The following MROH9 variants were observed in gnomAD, a reference collection of about 807,000 sequenced individuals.
The protein encoded by MROH9 is maestro heat-like repeat-containing protein family member 9.
A neutral mutation model predicts 98.2 loss-of-function variants in MROH9; 92 were observed. That is an observed-to-expected ratio of 0.94 (90% CI 0.79 to 1.11). The LOEUF (loss-of-function observed/expected upper bound fraction) is 1.11, where lower values mean the gene tolerates loss of function less well. MROH9 is among the 50% of genes most tolerant of loss of function. The pLI, the probability that MROH9 is intolerant of heterozygous loss-of-function variation, is 0.00. For synonymous variants in MROH9, 397 were observed against 368.9 expected (o/e 1.08, Z -0.87); for missense variants, 1,057 against 1,014.8 (o/e 1.04, Z -0.57).
At position 171,026,206 on chromosome 1, in the gene MROH9, C is replaced by T. The variant is rs537338322; in HGVS notation, c.2281+786C>T. Among the ~76,000 whole-genome samples the T allele has an allele frequency of 1.6e-3, 237 of 151,644 alleles. 3 individuals are homozygous for T. Among genetic ancestry groups the T allele is most frequent in the African/African-American group, 5.3e-3 (216 of 41,120 alleles). ...GGCAGAACACACACAGACACAGGCA[C>T]GTGCGCGCACACACACACACACCCT... On this transcript the variant is annotated intron_variant, in intron 20 of 21. Transcript: ENST00000367759.
chr1:170,997,641 C>T (rs1415842434), intron 14 of MROH9, among the ~76,000 whole-genome samples: 1 of 152,126 alleles, frequency 6.6e-6, no homozygotes, highest in African/African-American at 2.4e-5. Flanking sequence ...TCCAGGCCAC[C>T]ATGTCAGTAC....
chr1:171,036,676 T>C lies in MROH9; in HGVS notation c.2281+11256T>C, dbSNP rs548935088. Reference sequence around the variant, plus strand: ...ACAAGTAGAATGGATAAATAATTTATGTATTGTCACAAATGCAACAGCAAA... The same window carrying C: ...ACAAGTAGAATGGATAAATAATTTACGTATTGTCACAAATGCAACAGCAAA... On this transcript the variant is annotated intron_variant, in intron 20 of 21. Transcript: ENST00000367759. Among the ~76,000 whole-genome samples the C allele has an allele frequency of 2.6e-5, 4 of 151,886 alleles. 1 individual carries two copies. In the South Asian group the frequency reaches 8.3e-4, roughly 31 times the overall value.
At chr1:170,953,177 A>C (rs1649621522) in intron 3 of MROH9, among the ~76,000 whole-genome samples, 1 of 152,122 alleles carries the variant, frequency 6.6e-6, no homozygotes, top group South Asian at 2.1e-4. Flanking sequence ...TTGAATATTT[A>C]GTAAAGTTTT....
intron 16 of MROH9, among the ~76,000 whole-genome samples, chr1:171,014,581 T>C (rs1352628991): frequency 6.6e-6 from 1 of 152,186 alleles, no homozygotes; most frequent in Non-Finnish European, 1.5e-5. Flanking sequence ...CATACACTCA[T>C]GTGTACACAC....
intron 20 of MROH9, among the ~76,000 whole-genome samples, chr1:171,048,875 C>T (rs1016014849): frequency 6.6e-6 from 1 of 152,106 alleles, no homozygotes; most frequent in Non-Finnish European, 1.5e-5. Context: ...TGAATGCTGC[C>T]AGGACAGACC....
intron 8 of MROH9, among the ~76,000 whole-genome samples, chr1:170,982,227 T>C (rs187612835): frequency 2.0e-5 from 3 of 151,816 alleles, no homozygotes; most frequent in Admixed American, 2.0e-4. Context: ...ATAAAGAGAT[T>C]TGGGTATGTA....
At chr1:171,041,108 T>A (rs1388212203) in intron 20 of MROH9, among the ~76,000 whole-genome samples, 1 of 151,712 alleles carries the variant, frequency 6.6e-6, no homozygotes, top group Admixed American at 6.6e-5. Flanking sequence ...ACTCAATAGG[T>A]ATTATTTTAT....
At chr1:171,054,921 C>G (rs1029144981) in intron 20 of MROH9, among the ~76,000 whole-genome samples, 2 of 151,788 alleles carry the variant, frequency 1.3e-5, no homozygotes, top group Non-Finnish European at 2.9e-5. Context: ...TAAACTAGTA[C>G]AGCCATTATG....
intron 17 of MROH9, among the ~76,000 whole-genome samples, chr1:171,017,212 A>G (rs1652353647): frequency 6.6e-6 from 1 of 152,206 alleles, no homozygotes; most frequent in African/African-American, 2.4e-5. Flanking sequence ...CAAATCCCAA[A>G]CAGCATGCAA....
At chr1:170,959,168 G>A (rs1649907731) in intron 4 of MROH9, among the ~76,000 whole-genome samples, 1 of 152,060 alleles carries the variant, frequency 6.6e-6, no homozygotes, top group South Asian at 2.1e-4. Flanking sequence ...GAGGTCAGGA[G>A]ATCGAGACCA....
intron 7 of MROH9, among the ~76,000 whole-genome samples, chr1:170,967,242 G>A (rs541749173): frequency 1.4e-4 from 22 of 152,226 alleles, no homozygotes; most frequent in African/African-American, 5.3e-4. Context: ...TTCACTAAGT[G>A]CCACCAGGTG....
intron 15 of MROH9, among the ~76,000 whole-genome samples, chr1:171,006,361 T>C (rs77933792): frequency 6.6e-6 from 1 of 152,284 alleles, no homozygotes; most frequent in East Asian, 1.9e-4. Context: ...TCTCTTTTTT[T>C]TACTTTTAAT....
In MROH9 at chr1:171,024,426, G is replaced by A. The variant is rs1184795859; in HGVS notation, c.1940G>A (p.Arg647Gln). ...INGGIRSMAI[R>Q]HFGQLVRDMR... ...GGAGGCATTCGAAGTATGGCAATTC[G>A]ACACTTTGGTCAATTAGTTAGGGAT... is the stretch of plus-strand genomic sequence containing the variant. The change falls in exon 18 of 22, where the codon CGA becomes CAA. Residue 647 changes from arginine to glutamine, a missense_variant. Arg to Gln is a conservative substitution (Grantham distance 43). Transcript: ENST00000367759. 2.3e-5 allele frequency: 36 copies of A among 1,551,136 alleles called. No individual in the cohort carries two copies. The highest frequency in any genetic ancestry group is 3.0e-5 in the Non-Finnish European group (34 of 1,146,806).
intron 1 of MROH9, among the ~76,000 whole-genome samples, chr1:170,938,534 G>C (rs949165410): frequency 1.3e-5 from 2 of 152,204 alleles, no homozygotes; most frequent in African/African-American, 4.8e-5. Context: ...AGTGGCTTTA[G>C]GATGGTGGGG....
chr1:170,966,653 A>T (rs1476685385), intron 7 of MROH9, among the ~76,000 whole-genome samples: 2 of 152,106 alleles, frequency 1.3e-5, no homozygotes, highest in African/African-American at 4.8e-5. Flanking sequence ...ATTTACTTAG[A>T]TGGGGGACAC....
At chr1:170,952,249 G>A (rs1444584083) in intron 3 of MROH9, among the ~76,000 whole-genome samples, 1 of 151,896 alleles carries the variant, frequency 6.6e-6, no homozygotes, top group South Asian at 2.1e-4. Flanking sequence ...CCCATTACTG[G>A]ATGTATACCC....
chr1:171,053,629 AGAAT>A (rs1325100614), intron 20 of MROH9, among the ~76,000 whole-genome samples: 2 of 152,368 alleles, frequency 1.3e-5, no homozygotes, highest in South Asian at 4.1e-4. Flanking sequence ...TAGTAGATAT[AGAAT>A]GAATAATATA....
At chr1:170,983,383 T>A in intron 8 of MROH9, 39 bp from the exon 9 acceptor site, 1 of 1,410,172 alleles carries the variant, frequency 7.1e-7, no homozygotes. Flanking sequence ...AAACAAGTGA[T>A]CAAATAACAA....
At chr1:170,975,831 C>A (rs991377554) in intron 8 of MROH9, among the ~76,000 whole-genome samples, 2 of 152,088 alleles carry the variant, frequency 1.3e-5, no homozygotes, top group Non-Finnish European at 2.9e-5. Flanking sequence ...TCTGGGTGCT[C>A]CTGTGTTGGG....
Sources: gnomAD v4.1 joint callset for allele counts (sites outside exome capture counted in the v4.1 genomes callset) on GRCh38, gnomAD v4.1.1 for gene constraint, MANE v1.5 for transcripts, NCBI Gene and HGNC (gene_info 2026-07-23, HGNC 2026-07-21) for gene names.